The following PRKG2 variants were observed in gnomAD, a reference collection of about 807,000 sequenced individuals.
The protein encoded by PRKG2 is protein kinase cGMP-dependent 2.
In PRKG2, 33 loss-of-function variants were observed where a neutral mutation model predicts 97.2. The ratio of observed to expected loss-of-function variants is 0.34; its 90% confidence interval spans 0.26 to 0.45. The LOEUF is 0.45. Among genes scored for constraint, PRKG2 ranks in the 20% least tolerant of loss-of-function variants. The pLI, the probability that PRKG2 is intolerant of heterozygous loss-of-function variation, is 1.00. For synonymous variants in PRKG2, 330 were observed against 321.8 expected (o/e 1.03, Z -0.27); for missense variants, 638 against 900.0 (o/e 0.71, Z 3.73).
chr4:81,134,337 A>G (rs1014441492), intron 14 of PRKG2, among the ~76,000 whole-genome samples: 2 of 152,174 alleles, frequency 1.3e-5, no homozygotes, highest in African/African-American at 4.8e-5. Flanking sequence ...AATGCGAGCT[A>G]TTTTTATTTC....
At chr4:81,173,318 T>C (rs1381537180) in intron 3 of PRKG2, among the ~76,000 whole-genome samples, 3 of 152,108 alleles carry the variant, frequency 2.0e-5, no homozygotes, top group Admixed American at 6.6e-5. Flanking sequence ...CTGATCTCAA[T>C]AGCTGTTTTG....
chr4:81,193,025 GTTGTTTTTTGTTTT>G (rs960292592), intron 2 of PRKG2: 7 of 153,154 alleles, frequency 4.6e-5, no homozygotes, highest in East Asian at 3.8e-4. Flanking sequence ...TGTTCTCACT[GTTGTTTTTTGTTTT>G]TTGTTTTTTG....
In PRKG2 at chr4:81,105,934, G is replaced by A; in HGVS notation, c.1942C>T (p.Pro648Ser). The change falls in exon 16 of 19, where the codon CCA (proline) becomes TCA (serine). Residue 648 changes from proline (P) to serine (S), a missense_variant and splice_region_variant. Transcript: ENST00000264399. Reference sequence around the variant, plus strand: ...ATTTGGTCAACCCCAGAAAAGGGTGGGCTAGATAGAGAAAATCCAGAACAG... The same window carrying A: ...ATTTGGTCAACCCCAGAAAAGGGTGAGCTAGATAGAGAAAATCCAGAACAG... ...ILVYELLTGN[P>S]PFSGVDQMMT... 2 of 1,613,294 alleles carry A rather than the reference G, an allele frequency of 1.2e-6. No homozygotes were observed. The highest frequency in any genetic ancestry group is 1.7e-6 in the Non-Finnish European group (2 of 1,179,518).
At chr4:81,173,074 T>C (rs951709188) in intron 3 of PRKG2, among the ~76,000 whole-genome samples, 1 of 152,172 alleles carries the variant, frequency 6.6e-6, no homozygotes. Context: ...TGAAATTGGT[T>C]ATGGCTCATT....
At chr4:81,159,218 C>A (rs558801271) in intron 6 of PRKG2, among the ~76,000 whole-genome samples, 67 of 152,056 alleles carry the variant, frequency 4.4e-4, no homozygotes, top group African/African-American at 1.3e-3. Context: ...TCATCTGACA[C>A]AGGGCTAATT....
At chr4:81,092,903 A>G (rs1449406267) in intron 17 of PRKG2, among the ~76,000 whole-genome samples, 3 of 152,190 alleles carry the variant, frequency 2.0e-5, no homozygotes, top group South Asian at 4.2e-4. Context: ...AGTCTTCAAT[A>G]CCTTCACTCT....
chr4:81,177,837 A>T (rs1751069752), intron 2 of PRKG2, among the ~76,000 whole-genome samples: 1 of 152,066 alleles, frequency 6.6e-6, no homozygotes, highest in African/African-American at 2.4e-5. Flanking sequence ...AGTATTGAAG[A>T]TCTATCAACA....
chr4:81,216,342 G>C (rs1443668760), upstream of PRKG2, among the ~76,000 whole-genome samples: 8 of 148,288 alleles, frequency 5.4e-5, no homozygotes, highest in Non-Finnish European at 1.0e-4. Flanking sequence ...AGCTATCCCA[G>C]AGTCTGTACA....
intron 12 of PRKG2, among the ~76,000 whole-genome samples, chr4:81,139,145 C>G (rs936464008): frequency 1.3e-5 from 2 of 152,128 alleles, no homozygotes; most frequent in Non-Finnish European, 2.9e-5. Flanking sequence ...ATTAATATTT[C>G]TTCTGCAAAC....
intron 14 of PRKG2, among the ~76,000 whole-genome samples, chr4:81,130,481 G>C (rs1309609783): frequency 6.6e-6 from 1 of 152,182 alleles, no homozygotes; most frequent in Non-Finnish European, 1.5e-5. Flanking sequence ...GGACCCACTT[G>C]AGGAGGCAGT....
rs779025618 is a variant in PRKG2 at position 81,169,650 on chromosome 4, G to A, written c.848+13C>T. 6.5e-7 allele frequency: 1 copy of A among 1,540,592 alleles called. No individual in the cohort carries two copies. The highest frequency in any genetic ancestry group is 8.9e-7 in the Non-Finnish European group (1 of 1,118,276). On this transcript the variant is annotated intron_variant, in intron 5 of 18. Transcript: ENST00000264399. ...TCCACTGTCTTCACTGTCTCCCAAT[G>A]TATTATTCTTACCTTCTGAGGAAGT... is the stretch of plus-strand genomic sequence containing the variant.
At position 81,174,860 on chromosome 4, in the gene PRKG2, T is replaced by C. The variant is rs757296762; in HGVS notation, c.561A>G (p.Arg187=). ...TAATGTAACTCCCTTGCTGATAGTT[T>C]CTCCCATACATGCATTCCACCATGT... is the stretch of plus-strand genomic sequence containing the variant. The part of the protein sequence containing the change: ...IKDMVECMYG[R]NYQQGSYIIK... The change falls in exon 3 of 19, where the codon AGA becomes AGG. Residue 187 remains arginine (R), a synonymous_variant. Coordinates refer to ENST00000264399, the MANE Select transcript of PRKG2 (RefSeq NM_006259.3). 6.2e-7 allele frequency: 1 copy of C among 1,613,348 alleles called. No individual in the cohort carries two copies. Among genetic ancestry groups the C allele is most frequent in the South Asian group, 1.1e-5 (1 of 91,002 alleles).
At chr4:81,163,856 T>C (rs1163721396) in intron 6 of PRKG2, among the ~76,000 whole-genome samples, 1 of 138,950 alleles carries the variant, frequency 7.2e-6, no homozygotes, top group Non-Finnish European at 1.5e-5. Context: ...TACAACCAGA[T>C]GTATAGTACA....
chr4:81,135,217 T>C lies in PRKG2; in HGVS notation c.1714A>G (p.Ile572Val). ...EAFDYLHRLG[I>V]IYRDLKPENL... ...TCTGGTTTCAAGTCTCTGTAGATAA[T>C]ACCTAGTCGATGCAGGTAATCAAAT... Residue 572 changes from isoleucine (I) to valine (V), a missense_variant, in exon 14 of 19, where the codon ATT (isoleucine) becomes GTT (valine). Physicochemically the swap from Ile to Val is conservative, Grantham distance 29 (BLOSUM62 3). Around this residue, in one of 3 missense-constraint regions of PRKG2, gnomAD observed 304 missense variants for 460.5 expected, o/e 0.66. Coordinates refer to ENST00000264399, the MANE Select transcript of PRKG2 (RefSeq NM_006259.3). 1 of 1,612,870 alleles carries C rather than the reference T, an allele frequency of 6.2e-7. No homozygotes were observed. Among genetic ancestry groups the C allele is most frequent in the Admixed American group, 1.7e-5 (1 of 59,952 alleles).
chr4:81,209,559 T>G (rs181720607), intron 1 of PRKG2, among the ~76,000 whole-genome samples: 2 of 152,106 alleles, frequency 1.3e-5, no homozygotes, highest in African/African-American at 2.4e-5. Context: ...GATAGAAACA[T>G]AGAGAGATAG....
chr4:81,155,789 A>G (rs1749025386), intron 6 of PRKG2, among the ~76,000 whole-genome samples: 1 of 152,028 alleles, frequency 6.6e-6, no homozygotes, highest in South Asian at 2.1e-4. Context: ...ATTCTTAAAG[A>G]AAAGAATTTT....
intron 12 of PRKG2, among the ~76,000 whole-genome samples, chr4:81,139,528 G>A (rs1747044380): frequency 6.6e-6 from 1 of 151,920 alleles, no homozygotes; most frequent in Non-Finnish European, 1.5e-5. Context: ...AGCACTTTGG[G>A]AGGCCGAGGT....
At chr4:81,111,799 TTC>T (rs1744020303) in intron 14 of PRKG2, among the ~76,000 whole-genome samples, 1 of 152,200 alleles carries the variant, frequency 6.6e-6, no homozygotes, top group South Asian at 2.1e-4. Flanking sequence ...ACAGTTGGTT[TTC>T]TTTCACAGGG....
At chr4:81,141,910 G>A (rs1680936612) in intron 11 of PRKG2, among the ~76,000 whole-genome samples, 1 of 152,172 alleles carries the variant, frequency 6.6e-6, no homozygotes, top group African/African-American at 2.4e-5. Flanking sequence ...GGTCTGAAGT[G>A]TACTGTCCAG....
Sources: gnomAD v4.1 joint callset for allele counts (sites outside exome capture counted in the v4.1 genomes callset) on GRCh38, gnomAD v4.1.1 for gene constraint, gnomAD v4.1.1 regional missense constraint, MANE v1.5 for transcripts, NCBI Gene and HGNC (gene_info 2026-07-23, HGNC 2026-07-21) for gene names.